SLC26A3: variants seen among roughly 807,000 people sequenced by gnomAD.
SLC26A3 encodes solute carrier family 26 member 3.
Under a neutral mutation model 85.6 loss-of-function variants are expected in SLC26A3, and 64 were observed. The observed-to-expected ratio is 0.75, with a 90% CI of 0.61 to 0.92. The LOEUF (loss-of-function observed/expected upper bound fraction) is 0.92, where lower values mean the gene tolerates loss of function less well. Among genes scored for constraint, SLC26A3 ranks in the 40% least tolerant of loss-of-function variants. The probability of loss-of-function intolerance (pLI) is 0.00; values close to 1 mark genes in which losing one functional copy is unlikely to be tolerated. For missense variants in SLC26A3, 922 were observed against 927.3 expected (o/e 0.99, Z 0.07); for synonymous variants, 349 against 336.0 (o/e 1.04, Z -0.42).
At chr7:107,802,341 A>G (rs1180824371) in intron 1 of SLC26A3, among the ~76,000 whole-genome samples, 1 of 152,062 alleles carries the variant, frequency 6.6e-6, no homozygotes, top group East Asian at 1.9e-4. Context: ...GTATTATATT[A>G]TATTATACTA....
At chr7:107,800,902 G>A (rs1042807372) in intron 1 of SLC26A3, among the ~76,000 whole-genome samples, 3 of 152,206 alleles carry the variant, frequency 2.0e-5, no homozygotes, top group Admixed American at 1.3e-4. Flanking sequence ...TGGGCAATAA[G>A]CAAATCATGT....
chr7:107,770,811 C>T (rs1794017083), intron 18 of SLC26A3, among the ~76,000 whole-genome samples: 1 of 152,102 alleles, frequency 6.6e-6, no homozygotes, highest in African/African-American at 2.4e-5. Context: ...ACAATACCTG[C>T]CCTGGAAGAG....
rs143009992 is a variant in SLC26A3, at chr7:107,772,621, G to A, written c.2008-513C>T. 2.6e-5 allele frequency among the ~76,000 whole-genome samples: 4 copies of A among 152,256 alleles called. No homozygotes were observed. The East Asian group carries it at 7.7e-4, about 29-fold the overall frequency. On this transcript the variant is annotated intron_variant, in intron 17 of 20. Transcript: ENST00000340010. The stretch of plus-strand genomic sequence containing the variant: ...AAGATCATGTAAAGTAAGAAAAGTA[G>A]CTTATATTGTTTGATCAGGTTAGAT...
intron 1 of SLC26A3, among the ~76,000 whole-genome samples, chr7:107,802,494 G>A (rs543486835): frequency 1.3e-5 from 2 of 151,938 alleles, no homozygotes; most frequent in South Asian, 2.1e-4. Context: ...AGGATGTCTA[G>A]CAGATAAATC....
At chr7:107,792,004 G>T (rs1794411905) in intron 3 of SLC26A3, 64 bp from the exon 4 acceptor site, 2 of 951,034 alleles carry the variant, frequency 2.1e-6, no homozygotes, top group Admixed American at 3.5e-5. Context: ...ATTCTCATTT[G>T]GTTCTTATGG....
intron 12 of SLC26A3, 77 bp from the exon 13 acceptor site, chr7:107,778,358 GAC>G: frequency 2.8e-6 from 1 of 360,202 alleles, no homozygotes; most frequent in Non-Finnish European, 4.5e-6. Flanking sequence ...CTTTTAAAAA[GAC>G]TTTTTTTTTT....
chr7:107,791,047 C>G lies in SLC26A3; in HGVS notation c.570+1G>C, dbSNP rs1432186347. On this transcript the variant is annotated splice_donor_variant, in intron 5 of 20. Coordinates refer to ENST00000340010, the MANE Select transcript of SLC26A3 (RefSeq NM_000111.3). LOFTEE classifies it high-confidence loss of function. ...GGCAAGTTACATGAGAAGGTGCTCA[C>G]CTGGATGATTCCAGAAAGCACTGTG... is the stretch of plus-strand genomic sequence containing the variant. 2 of 1,613,472 alleles carry G rather than the reference C, an allele frequency of 1.2e-6. No homozygotes were observed. Among genetic ancestry groups the G allele is most frequent in the East Asian group, 4.5e-5 (2 of 44,882 alleles).
In SLC26A3 at chr7:107,793,737, T is replaced by A; in HGVS notation, c.271+5A>T. 1 of 1,610,352 alleles carries A rather than the reference T, an allele frequency of 6.2e-7. No individual in the cohort carries two copies. The highest frequency in any genetic ancestry group is 8.5e-7 in the Non-Finnish European group (1 of 1,177,898). On this transcript the variant is annotated splice_donor_5th_base_variant and intron_variant, in intron 3 of 20. Transcript: ENST00000340010. Reference sequence around the variant, plus strand: ...TATATAAATTATACTTAAAAAAAATTTTACCTTGTAGTACGGCCACAATCC... The same window carrying A: ...TATATAAATTATACTTAAAAAAAATATTACCTTGTAGTACGGCCACAATCC...
intron 4 of SLC26A3, 121 bp downstream of exon 4, chr7:107,791,709 C>T (rs1192210207): frequency 5.6e-6 from 4 of 711,970 alleles, no homozygotes; most frequent in Non-Finnish European, 7.7e-6. Flanking sequence ...TCCTAATTCT[C>T]ACAGGAGACC....
intron 8 of SLC26A3, among the ~76,000 whole-genome samples, chr7:107,784,730 C>T (rs1393163981): frequency 2.0e-5 from 3 of 152,212 alleles, no homozygotes; most frequent in African/African-American, 4.8e-5. Flanking sequence ...TGGCGCCCGT[C>T]CTTGTTCTCT....
At chr7:107,785,504 C>A (rs891453548) in intron 8 of SLC26A3, among the ~76,000 whole-genome samples, 1 of 152,150 alleles carries the variant, frequency 6.6e-6, no homozygotes, top group African/African-American at 2.4e-5. Flanking sequence ...TTAAGTTTAT[C>A]TTTTATTTTC....
chr7:107,797,418 C>T (rs748531235), intron 1 of SLC26A3, among the ~76,000 whole-genome samples: 2 of 152,074 alleles, frequency 1.3e-5, no homozygotes, highest in Non-Finnish European at 2.9e-5. Context: ...TGCTTGAACC[C>T]GGGAGGCAGA....
rs553471877 is a variant in SLC26A3 at position 107,794,635 on chromosome 7, A to C, written c.-88-38T>G. On this transcript the variant is annotated intron_variant, in intron 1 of 20. Transcript: ENST00000340010. ...AGAGCTTGCTTCTTAAATAACTCAG[A>C]GATAATGTGATGCAATTTACAGATG... 3 of 1,004,352 alleles carry C rather than the reference A, an allele frequency of 3.0e-6. No individual in the cohort carries two copies. The East Asian group carries it at 7.2e-5, about 24-fold the overall frequency. 62.2% of individuals were successfully genotyped at this position (1,004,352 alleles called of 1,614,324 possible).
At chr7:107,786,948 T>A in intron 7 of SLC26A3, 39 bp from the exon 8 acceptor site, 5 of 1,521,728 alleles carry the variant, frequency 3.3e-6, no homozygotes, top group East Asian at 2.2e-5. Flanking sequence ...AAATGTGAGA[T>A]GCAAGTAAGA....
chr7:107,800,313 A>G (rs896993311), intron 1 of SLC26A3, among the ~76,000 whole-genome samples: 4 of 152,220 alleles, frequency 2.6e-5, no homozygotes, highest in Admixed American at 6.5e-5. Flanking sequence ...TGGCCAATAT[A>G]AAGAAACCCT....
intron 8 of SLC26A3, among the ~76,000 whole-genome samples, chr7:107,784,205 A>G (rs1794254881): frequency 6.6e-6 from 1 of 152,204 alleles, no homozygotes; most frequent in South Asian, 2.1e-4. Context: ...AAGTACTATT[A>G]TACCATAATT....
intron 4 of SLC26A3, 26 bp downstream of exon 4, chr7:107,791,804 A>T (rs1794407657): frequency 7.4e-7 from 1 of 1,358,056 alleles, no homozygotes; most frequent in Non-Finnish European, 1.1e-6. Flanking sequence ...CAATGTGAGC[A>T]TTAATCAGCT....
chr7:107,769,481 A>C (rs1432702923), intron 18 of SLC26A3, among the ~76,000 whole-genome samples: 1 of 152,192 alleles, frequency 6.6e-6, no homozygotes, highest in Non-Finnish European at 1.5e-5. Flanking sequence ...CAGGAACAGA[A>C]AACCAAATAC....
chr7:107,780,814 T>C (rs1316384505), intron 11 of SLC26A3, among the ~76,000 whole-genome samples: 1 of 152,136 alleles, frequency 6.6e-6, no homozygotes, highest in Non-Finnish European at 1.5e-5. Context: ...TGAATGCCAG[T>C]TAAAAAATGG....
Sources: gnomAD v4.1 joint callset for allele counts (sites outside exome capture counted in the v4.1 genomes callset) on GRCh38, gnomAD v4.1.1 for gene constraint, MANE v1.5 for transcripts, NCBI Gene and HGNC (gene_info 2026-07-23, HGNC 2026-07-21) for gene names.